Variants in LRRC27 observed in about 807,000 individuals in gnomAD.
The protein encoded by LRRC27 is leucine rich repeat containing 27, also known as leucine-rich repeat-containing protein 27.
Under a neutral mutation model 55.0 loss-of-function variants are expected in LRRC27, and 57 were observed. That is an observed-to-expected ratio of 1.04 (90% CI 0.84 to 1.29). The LOEUF (loss-of-function observed/expected upper bound fraction) is 1.29, where lower values mean the gene tolerates loss of function less well. Ranked by LOEUF, LRRC27 falls within the 50% of genes most tolerant of loss-of-function variation. The probability of loss-of-function intolerance (pLI) is 0.00; values close to 1 mark genes in which losing one functional copy is unlikely to be tolerated. For synonymous variants in LRRC27, 278 were observed against 251.9 expected, an observed-to-expected ratio of 1.10 and a Z score of -0.98; for missense variants, 721 against 651.5, an observed-to-expected ratio of 1.11 and a Z score of -1.16.
chr10:132,338,179 G>A (rs1392041987), intron 3 of LRRC27, among the ~76,000 whole-genome samples: 4 of 152,138 alleles, frequency 2.6e-5, no homozygotes, highest in Non-Finnish European at 5.9e-5. Flanking sequence ...TGCCAGGCGT[G>A]GTGGTGGGTG....
chr10:132,362,446 A>G (rs1454671460), intron 9 of LRRC27, among the ~76,000 whole-genome samples: 1 of 152,176 alleles, frequency 6.6e-6, no homozygotes, highest in East Asian at 1.9e-4. Context: ...CGGCGAGTTC[A>G]CGGGGCAGGA....
rs550700284 is a variant in LRRC27, at chr10:132,372,248, G to A, written c.1417-2818G>A. Among the ~76,000 whole-genome samples, 3 of 151,236 alleles carry A rather than the reference G, an allele frequency of 2.0e-5. No homozygotes were observed. The highest frequency in any genetic ancestry group is 4.4e-5 in the Non-Finnish European group (3 of 67,816). On this transcript the variant is annotated intron_variant, in intron 10 of 10. Transcript: ENST00000368614. The surrounding 1 kb of genome is among the most constrained non-coding windows in gnomAD (Gnocchi z 4.0). Reference sequence around the variant, plus strand: ...CTGCAATCCCAGCTGAAAAGCACAGGAAGACAAAACCAACCACAGAAGGAT... The same window carrying A: ...CTGCAATCCCAGCTGAAAAGCACAGAAAGACAAAACCAACCACAGAAGGAT...
At chr10:132,352,757 C>A in intron 7 of LRRC27, 1 of 1,022,592 alleles carries the variant, frequency 9.8e-7, no homozygotes, top group Admixed American at 2.1e-5. Flanking sequence ...AGCCCCGAGG[C>A]CTCCCTGTGG....
intron 4 of LRRC27, among the ~76,000 whole-genome samples, chr10:132,342,510 G>A (rs556090638): frequency 3.2e-4 from 48 of 152,330 alleles, no homozygotes; most frequent in African/African-American, 1.2e-3. Flanking sequence ...GGCCATTGGC[G>A]CCGTCACACA....
At chr10:132,337,119 A>G (rs1176871605) in intron 2 of LRRC27, 8 of 1,216,576 alleles carry the variant, frequency 6.6e-6, no homozygotes, top group Middle Eastern at 3.3e-4. Flanking sequence ...CATTTTAATG[A>G]TTGAGTTGGG....
At position 132,374,975 on chromosome 10, in the gene LRRC27, T is replaced by C; in HGVS notation, c.1417-91T>C. 1 of 1,377,976 alleles carries C rather than the reference T, an allele frequency of 7.3e-7. No individual in the cohort carries two copies. Among genetic ancestry groups the C allele is most frequent in the Non-Finnish European group, 1.0e-6 (1 of 1,004,240 alleles). 85.4% of individuals were successfully genotyped at this position (1,377,976 alleles called of 1,614,324 possible). A position where few individuals can be genotyped will look rare whatever the true frequency, so the allele number is the denominator to read the frequency against. On this transcript the variant is annotated intron_variant, in intron 10 of 10. Transcript: ENST00000368614. This position sits in a 1 kb window ranked among gnomAD's most constrained non-coding sequence, Gnocchi z 4.4. ...TGGCTCTGCTGACGCCCACATGGCC[T>C]GGGCCCCACGTGGAATCTGAGCCAG...
chr10:132,344,628 C>T lies in LRRC27; in HGVS notation c.531C>T (p.Leu177=), dbSNP rs1370301389. ...GGATGTGGGCAGTAGAACACTCTCT[C>T]CCCAGAAATCCAACTTCTCAAGGTT... The part of the protein sequence containing the change: ...FLRMWAVEHS[L]PRNPTSQEAP... Residue 177 remains leucine (L), a synonymous_variant, in exon 5 of 11, where the codon CTC becomes CTT. Coordinates refer to ENST00000368614, the MANE Select transcript of LRRC27 (RefSeq NM_030626.3). 3 of 1,613,936 alleles carry T rather than the reference C, an allele frequency of 1.9e-6. No individual in the cohort carries two copies. The highest frequency in any genetic ancestry group is 2.2e-5 in the South Asian group (2 of 91,078).
intron 8 of LRRC27, among the ~76,000 whole-genome samples, chr10:132,361,058 A>C (rs1004626743): frequency 6.6e-6 from 1 of 152,192 alleles, no homozygotes; most frequent in Admixed American, 6.5e-5. Context: ...TCTGGCACTG[A>C]AGCTGGAGAA....
At chr10:132,353,431 A>G (rs915393849) in intron 7 of LRRC27, 4 of 1,017,768 alleles carry the variant, frequency 3.9e-6, no homozygotes, top group Middle Eastern at 5.0e-4. Context: ...TCTCGGGACC[A>G]TGTGATAGGG....
intron 10 of LRRC27, among the ~76,000 whole-genome samples, chr10:132,369,509 A>ATGG (rs1366222531): frequency 3.9e-5 from 6 of 152,192 alleles, no homozygotes; most frequent in African/African-American, 1.4e-4. Context: ...ACAGATGGAG[A>ATGG]TGGTGAAAGG....
chr10:132,364,393 C>CCACACTCACACCCACA (rs2068830323), intron 9 of LRRC27, among the ~76,000 whole-genome samples: 1 of 8,648 alleles, frequency 1.2e-4, no homozygotes, highest in African/African-American at 4.3e-4. Context: ...TTACACCCAC[C>CCACACTCACACCCACA]CTTACATCTA....
At chr10:132,344,325 T>G (rs2067567383) in intron 4 of LRRC27, among the ~76,000 whole-genome samples, 173 bp from the exon 5 acceptor site, 1 of 152,216 alleles carries the variant, frequency 6.6e-6, no homozygotes, top group Non-Finnish European at 1.5e-5. Flanking sequence ...GCGGAATCCG[T>G]CTCCTGCAGA....
In LRRC27 at chr10:132,377,153, A is replaced by G. The variant is rs933929993; in HGVS notation, c.*1911A>G. 1 of 152,180 alleles carries G rather than the reference A, an allele frequency of 6.6e-6. No homozygotes were observed. Among genetic ancestry groups the G allele is most frequent in the African/African-American group, 2.4e-5 (1 of 41,432 alleles). The allele number at this position is 152,180 out of a possible 1,614,324, so 9.4% of individuals were successfully genotyped here. On this transcript the variant is annotated 3_prime_UTR_variant, in exon 11 of 11. Coordinates refer to ENST00000368614, the MANE Select transcript of LRRC27 (RefSeq NM_030626.3). ...TCCCTCCTTCTACTGTACTGGATTT[A>G]AAGCGCACCTTATAGAGACATCATA...
At position 132,348,761 on chromosome 10, in the gene LRRC27, GGCTTC is replaced by G. The variant is rs2067850411; in HGVS notation, c.926+407_926+411del. Reference sequence around the variant, plus strand: ...GAGCCAAGTGGGCACATTCTTGTGAGGCTTCGATCAGTGCTCACTGAATCCACATT... The same window carrying G: ...GAGCCAAGTGGGCACATTCTTGTGAGGATCAGTGCTCACTGAATCCACATT... On this transcript the variant is annotated intron_variant, in intron 6 of 10. Coordinates refer to ENST00000368614, the MANE Select transcript of LRRC27 (RefSeq NM_030626.3). This position sits in a 1 kb window ranked among gnomAD's most constrained non-coding sequence, Gnocchi z 4.2. Among the ~76,000 whole-genome samples the G allele has an allele frequency of 6.6e-6, 1 of 152,234 alleles. No individual in the cohort carries two copies. Among genetic ancestry groups the G allele is most frequent in the Non-Finnish European group, 1.5e-5 (1 of 68,050 alleles).
In LRRC27 at chr10:132,349,030, G is replaced by A. The variant is rs914597596; in HGVS notation, c.926+674G>A. 11 of 1,610,040 alleles carry A rather than the reference G, an allele frequency of 6.8e-6. No homozygotes were observed. The African/African-American group carries it at 1.3e-4, about 20-fold the overall frequency. ...GAGAAAAACTCGAATCATGGGCGTGGTAGGGCGTGCGCCTACACATATGGG... is the reference window on the plus strand; with the variant it reads ...GAGAAAAACTCGAATCATGGGCGTGATAGGGCGTGCGCCTACACATATGGG... On this transcript the variant is annotated intron_variant, in intron 6 of 10. Coordinates refer to ENST00000368614, the MANE Select transcript of LRRC27 (RefSeq NM_030626.3).
At position 132,375,225 on chromosome 10, in the gene LRRC27, G is replaced by C. The variant is rs1476072050; in HGVS notation, c.1576G>C (p.Val526Leu). 1.2e-6 allele frequency: 2 copies of C among 1,613,152 alleles called. No homozygotes were observed. Among genetic ancestry groups the C allele is most frequent in the African/African-American group, 1.3e-5 (1 of 74,906 alleles). The part of the protein sequence containing the change: ...FNTKYGESGN[V>L]RRYQ Reference sequence around the variant, plus strand: ...CACAAAATATGGAGAATCAGGAAATGTTCGCAGATACCAGTGACACCAGGT... The same window carrying C: ...CACAAAATATGGAGAATCAGGAAATCTTCGCAGATACCAGTGACACCAGGT... The change falls in exon 11 of 11, where the codon GTT (valine) becomes CTT (leucine). Residue 526 changes from valine (V) to leucine (L), a missense_variant. Coordinates refer to ENST00000368614, the MANE Select transcript of LRRC27 (RefSeq NM_030626.3).
intron 2 of LRRC27, among the ~76,000 whole-genome samples, chr10:132,334,646 G>A (rs949159939): frequency 2.0e-5 from 3 of 152,190 alleles, no homozygotes; most frequent in Admixed American, 6.5e-5. Context: ...TCACGGCAGC[G>A]CTGGTCTTGC....
chr10:132,334,874 C>T (rs557390874), intron 2 of LRRC27, among the ~76,000 whole-genome samples: 1 of 152,322 alleles, frequency 6.6e-6, no homozygotes, highest in East Asian at 1.9e-4. Context: ...AACTTGATAA[C>T]TGTTTATACC....
At chr10:132,371,620 T>G (rs2069219162) in intron 10 of LRRC27, among the ~76,000 whole-genome samples, 1 of 152,164 alleles carries the variant, frequency 6.6e-6, no homozygotes, top group Admixed American at 6.5e-5. Flanking sequence ...GCCCCACGTC[T>G]CAGCTGGGCA....
Sources: gnomAD v4.1 joint callset for allele counts (sites outside exome capture counted in the v4.1 genomes callset) on GRCh38, gnomAD v4.1.1 for gene constraint, Gnocchi (gnomAD v3.1) non-coding constraint, MANE v1.5 for transcripts, NCBI Gene and HGNC (gene_info 2026-07-23, HGNC 2026-07-21) for gene names.